Variants in EIF3H observed in about 807,000 individuals in gnomAD.
The protein encoded by EIF3H is eIF-3-gamma.
In EIF3H, 26 loss-of-function variants were observed where a neutral mutation model predicts 44.2. The observed-to-expected ratio is 0.59, with a 90% CI of 0.43 to 0.82. EIF3H has a LOEUF of 0.82. Among genes scored for constraint, EIF3H ranks in the 40% least tolerant of loss-of-function variants. The pLI is 0.00. For missense variants in EIF3H, 359 were observed against 432.8 expected, an observed-to-expected ratio of 0.83 and a Z score of 1.51; for synonymous variants, 166 against 151.9, an observed-to-expected ratio of 1.09 and a Z score of -0.68.
At chr8:116,684,550 AT>A (rs779763796) in intron 2 of EIF3H, among the ~76,000 whole-genome samples, 38 of 149,594 alleles carry the variant, frequency 2.5e-4, no homozygotes, top group African/African-American at 4.6e-4. Context: ...TACTACTGCT[AT>A]TTTTTTTTTA....
intron 1 of EIF3H, among the ~76,000 whole-genome samples, chr8:116,749,947 T>C (rs1185146647): frequency 6.6e-6 from 1 of 152,296 alleles, no homozygotes; most frequent in African/African-American, 2.4e-5. Context: ...AAATTGGTCT[T>C]GGCCACTATC....
At chr8:116,722,276 C>T (rs571519453) in intron 2 of EIF3H, among the ~76,000 whole-genome samples, 6 of 152,294 alleles carry the variant, frequency 3.9e-5, no homozygotes, top group African/African-American at 1.2e-4. Flanking sequence ...CCAAGTAAGA[C>T]GTGCCTTTCA....
At chr8:116,738,155 AC>A (rs1815074366) in intron 1 of EIF3H, among the ~76,000 whole-genome samples, 1 of 152,146 alleles carries the variant, frequency 6.6e-6, no homozygotes, top group South Asian at 2.1e-4. Flanking sequence ...ATCAAAAAAA[AC>A]TAAGGAAAAA....
At chr8:116,677,391 A>G (rs1813867809) in intron 2 of EIF3H, among the ~76,000 whole-genome samples, 1 of 152,208 alleles carries the variant, frequency 6.6e-6, no homozygotes, top group Non-Finnish European at 1.5e-5. Context: ...ATGATGGTTA[A>G]GATGTGTTTT....
chr8:116,713,767 T>C (rs1053889357), intron 2 of EIF3H, among the ~76,000 whole-genome samples: 1 of 152,124 alleles, frequency 6.6e-6, no homozygotes, highest in Non-Finnish European at 1.5e-5. Context: ...CTAAAGTTCA[T>C]TGCCCTGATT....
intron 2 of EIF3H, among the ~76,000 whole-genome samples, chr8:116,672,646 G>GAA (rs921729997): frequency 2.7e-5 from 4 of 146,302 alleles, no homozygotes; most frequent in African/African-American, 1.0e-4. Flanking sequence ...AAGAAAAAAA[G>GAA]AAAAAAAAAA....
At chr8:116,735,000 C>G (rs540591767) in intron 1 of EIF3H, among the ~76,000 whole-genome samples, 2 of 152,280 alleles carry the variant, frequency 1.3e-5, no homozygotes, top group South Asian at 4.1e-4. Flanking sequence ...TAGCAATATG[C>G]GTATTCCTAA....
At chr8:116,665,191 C>T (rs948913807) in intron 2 of EIF3H, among the ~76,000 whole-genome samples, 1 of 152,148 alleles carries the variant, frequency 6.6e-6, no homozygotes. Context: ...AAGAGAAATA[C>T]ACAACAAATT....
At chr8:116,676,597 A>C (rs1813851424) in intron 2 of EIF3H, among the ~76,000 whole-genome samples, 1 of 152,212 alleles carries the variant, frequency 6.6e-6, no homozygotes, top group Admixed American at 6.5e-5. Context: ...TGGGGATTAC[A>C]ATTCAAGATG....
upstream of EIF3H, among the ~76,000 whole-genome samples, chr8:116,760,468 C>A (rs1815507933): frequency 6.6e-6 from 1 of 152,174 alleles, no homozygotes. Context: ...AAATAATATT[C>A]ATTTACACAT....
chr8:116,666,864 C>T (rs911069591), intron 2 of EIF3H, among the ~76,000 whole-genome samples: 2 of 150,076 alleles, frequency 1.3e-5, no homozygotes, highest in Non-Finnish European at 3.0e-5. Flanking sequence ...CAGAGAGGTG[C>T]TGAAAATATT....
intron 2 of EIF3H, among the ~76,000 whole-genome samples, chr8:116,666,976 C>T (rs1485910074): frequency 6.6e-6 from 1 of 152,138 alleles, no homozygotes; most frequent in Non-Finnish European, 1.5e-5. Context: ...CACCTGTGTG[C>T]ATGTGTACAC....
In EIF3H at chr8:116,755,073, T is replaced by C. The variant is rs1300445123; in HGVS notation, c.132+593A>G. On this transcript the variant is annotated intron_variant, in intron 1 of 7. Transcript: ENST00000521861. ...TAAGTCCATTTCCTTATCAAGAATT[T>C]CCTTGGATGTCCTAGTTCATGAACC... is the stretch of plus-strand genomic sequence containing the variant. Among the ~76,000 whole-genome samples the C allele has an allele frequency of 2.0e-5, 3 of 152,370 alleles. No individual in the cohort carries two copies. The East Asian group carries it at 5.8e-4, about 29-fold the overall frequency.
At chr8:116,735,286 T>A (rs1289361082) in intron 1 of EIF3H, among the ~76,000 whole-genome samples, 1 of 152,214 alleles carries the variant, frequency 6.6e-6, no homozygotes, top group Non-Finnish European at 1.5e-5. Flanking sequence ...GCCACGAAAG[T>A]AGAAACTGAG....
chr8:116,671,909 C>G (rs1175918491), intron 2 of EIF3H, among the ~76,000 whole-genome samples: 1 of 152,214 alleles, frequency 6.6e-6, no homozygotes, highest in African/African-American at 2.4e-5. Flanking sequence ...AACAGAAGAT[C>G]TGAACTGCAA....
intron 1 of EIF3H, chr8:116,737,423 A>G (rs1815060743): frequency 2.8e-6 from 1 of 362,792 alleles, no homozygotes; most frequent in East Asian, 7.6e-5. Flanking sequence ...TGGGAGGCTG[A>G]GGCAGACCGA....
intron 2 of EIF3H, among the ~76,000 whole-genome samples, chr8:116,675,944 A>G (rs1022211660): frequency 6.6e-6 from 1 of 152,340 alleles, no homozygotes; most frequent in African/African-American, 2.4e-5. Flanking sequence ...TATGAATAAG[A>G]TTGTTTCAAT....
intron 2 of EIF3H, among the ~76,000 whole-genome samples, chr8:116,689,468 AGG>A (rs1262179651): frequency 3.3e-5 from 5 of 152,246 alleles, no homozygotes; most frequent in Non-Finnish European, 7.3e-5. Context: ...AATACAAGTG[AGG>A]GTAATGTTTT....
chr8:116,702,498 C>T (rs1045927129), intron 2 of EIF3H, among the ~76,000 whole-genome samples: 5 of 152,170 alleles, frequency 3.3e-5, no homozygotes, highest in African/African-American at 9.7e-5. Context: ...TTAAATCTTA[C>T]TCCACAGAGT....
Sources: allele counts gnomAD v4.1 joint callset (sites outside exome capture counted in the v4.1 genomes callset), GRCh38; gene constraint gnomAD v4.1.1; transcripts MANE v1.5; gene names NCBI Gene and HGNC (gene_info 2026-07-23, HGNC 2026-07-21).